Variants in EPC1 observed in about 807,000 individuals in gnomAD.
EPC1 encodes the protein enhancer of polycomb 1, also known as enhancer of polycomb homolog 1.
EPC1 carries 12 observed loss-of-function variants against 98.4 expected under a neutral mutation model. The observed-to-expected ratio is 0.12, with a 90% CI of 0.08 to 0.20. EPC1 has a LOEUF of 0.20. EPC1 is among the 10% of genes least tolerant of loss of function. The pLI is 1.00. For synonymous variants in EPC1, 357 were observed against 363.9 expected (o/e 0.98, Z 0.21); for missense variants, 729 against 990.5 (o/e 0.74, Z 3.54).
At chr10:32,290,766 ATT>A (rs1050204971) in intron 6 of EPC1, among the ~76,000 whole-genome samples, 8 of 150,678 alleles carry the variant, frequency 5.3e-5, no homozygotes, top group African/African-American at 1.7e-4. Context: ...GTATATATGT[ATT>A]TTTCTTTTTT....
chr10:32,373,511 C>T (rs1212986292), intron 1 of EPC1, among the ~76,000 whole-genome samples: 1 of 152,142 alleles, frequency 6.6e-6, no homozygotes, highest in Non-Finnish European at 1.5e-5. Flanking sequence ...AAACATCTTG[C>T]CTAGTTAAAC....
At chr10:32,352,605 C>T (rs187844156) in intron 1 of EPC1, among the ~76,000 whole-genome samples, 1 of 152,268 alleles carries the variant, frequency 6.6e-6, no homozygotes, top group Admixed American at 6.5e-5. Flanking sequence ...TCTGAAGCAT[C>T]GGTGAGCAGT....
At chr10:32,272,272 G>T in intron 11 of EPC1, 105 bp from the exon 12 acceptor site, 1 of 891,264 alleles carries the variant, frequency 1.1e-6, no homozygotes, top group Non-Finnish European at 1.6e-6. Context: ...AGTAAAAATG[G>T]CAAACCACTG....
chr10:32,318,825 A>G (rs1836709778), intron 1 of EPC1, among the ~76,000 whole-genome samples: 2 of 152,198 alleles, frequency 1.3e-5, no homozygotes, highest in South Asian at 4.1e-4. Context: ...TCTAACCTCT[A>G]GTATTACATT....
chr10:32,353,192 G>T (rs1423424644), intron 1 of EPC1, among the ~76,000 whole-genome samples: 1 of 151,736 alleles, frequency 6.6e-6, no homozygotes, highest in African/African-American at 2.4e-5. Flanking sequence ...GAAATCCCTG[G>T]TATCTGATTC....
intron 2 of EPC1, among the ~76,000 whole-genome samples, chr10:32,296,599 G>C (rs748329425): frequency 2.8e-4 from 42 of 152,220 alleles, no homozygotes; most frequent in Admixed American, 1.0e-3. Flanking sequence ...CTTTTATTCA[G>C]TGCAAACTCA....
chr10:32,278,881 T>C (rs1394539273), intron 10 of EPC1, among the ~76,000 whole-genome samples: 3 of 152,182 alleles, frequency 2.0e-5, no homozygotes, highest in African/African-American at 7.2e-5. Flanking sequence ...TGACCAGACC[T>C]GACCTCATCT....
At chr10:32,286,591 G>C (rs1836689880) in intron 9 of EPC1, 103 bp downstream of exon 9, 1 of 1,326,812 alleles carries the variant, frequency 7.5e-7, no homozygotes, top group Non-Finnish European at 1.0e-6. Context: ...ATAGCAAATA[G>C]GAACTAATGA....
exon 1 of EPC1, chr10:32,378,637 C>A: frequency 1.8e-6 from 1 of 568,098 alleles, no homozygotes; most frequent in Non-Finnish European, 3.0e-6. Flanking sequence ...AAAAGTAATA[C>A]TTTCTTCCAT....
At chr10:32,348,057 C>G (rs74128087), upstream of EPC1, among the ~76,000 whole-genome samples, 1 of 152,074 alleles carries the variant, frequency 6.6e-6, no homozygotes, top group Non-Finnish European at 1.5e-5. Flanking sequence ...GCTCATGATT[C>G]TGTACTCAAA....
intron 1 of EPC1, chr10:32,345,738 A>G (rs1838731893): frequency 6.0e-6 from 3 of 497,904 alleles, no homozygotes; most frequent in African/African-American, 2.1e-5. Context: ...TTACGTGCTG[A>G]AACCCACCCA....
At chr10:32,330,957 G>A (rs1837604896) in intron 1 of EPC1, among the ~76,000 whole-genome samples, 1 of 151,980 alleles carries the variant, frequency 6.6e-6, no homozygotes, top group South Asian at 2.1e-4. Context: ...AAATCACAGT[G>A]TAAAAGTTCG....
At chr10:32,272,862 C>T in intron 11 of EPC1, 1 of 604,316 alleles carries the variant, frequency 1.7e-6, no homozygotes, top group Non-Finnish European at 2.9e-6. Context: ...ATTAACATGC[C>T]CAAGAGAATG....
At chr10:32,341,436 T>C (rs942755083) in intron 1 of EPC1, among the ~76,000 whole-genome samples, 1 of 152,158 alleles carries the variant, frequency 6.6e-6, no homozygotes, top group African/African-American at 2.4e-5. Flanking sequence ...TTTAACAGGA[T>C]TGGTTGGTAT....
At chr10:32,337,856 C>T (rs1039842753) in intron 1 of EPC1, among the ~76,000 whole-genome samples, 2 of 152,136 alleles carry the variant, frequency 1.3e-5, no homozygotes, top group Admixed American at 6.6e-5. Flanking sequence ...ATGCCAATGG[C>T]ACATATCTAA....
intron 1 of EPC1, among the ~76,000 whole-genome samples, chr10:32,371,472 A>G (rs2133123353): frequency 6.6e-6 from 1 of 152,320 alleles, no homozygotes; most frequent in East Asian, 1.9e-4. Context: ...GAGCAAAACT[A>G]AACTCTACTT....
intron 1 of EPC1, among the ~76,000 whole-genome samples, chr10:32,333,647 A>C (rs1283914789): frequency 6.6e-6 from 1 of 152,172 alleles, no homozygotes; most frequent in Non-Finnish European, 1.5e-5. Flanking sequence ...GTAACTATAA[A>C]ATCTTCTGTT....
chr10:32,287,410 T>C (rs770819786), intron 6 of EPC1, 136 bp from the exon 7 acceptor site: 155 of 843,068 alleles, frequency 1.8e-4, no homozygotes, highest in Non-Finnish European at 2.7e-4. Flanking sequence ...CACTCTATGT[T>C]TGGCCATCTT....
rs1185791248 is a variant in EPC1, at chr10:32,284,669, G to C, written c.1744+29C>G. 2.6e-6 allele frequency: 4 copies of C among 1,541,848 alleles called. No homozygotes were observed. The South Asian group carries it at 4.7e-5, about 18-fold the overall frequency. On this transcript the variant is annotated intron_variant, in intron 10 of 13. Coordinates refer to ENST00000319778, the MANE Select transcript of EPC1 (RefSeq NM_001272004.3). The stretch of plus-strand genomic sequence containing the variant: ...AATGGTTGGACCTGACATTTCTATA[G>C]AAACGTACATCATTAACAGTCAACA...
Sources: gnomAD v4.1 joint callset for allele counts (sites outside exome capture counted in the v4.1 genomes callset) on GRCh38, gnomAD v4.1.1 for gene constraint, MANE v1.5 for transcripts, NCBI Gene and HGNC (gene_info 2026-07-23, HGNC 2026-07-21) for gene names.